Variants in FHOD3 observed in about 807,000 individuals in gnomAD.
FHOD3 encodes formin homology 2 domain containing 3.
In FHOD3, 90 loss-of-function variants were observed where a neutral mutation model predicts 173.0. The observed-to-expected ratio is 0.52, with a 90% CI of 0.44 to 0.62. The LOEUF (loss-of-function observed/expected upper bound fraction) is 0.62, where lower values mean the gene tolerates loss of function less well. Ranked by LOEUF, FHOD3 falls within the 20% of genes least tolerant of loss-of-function variation. The probability of loss-of-function intolerance (pLI) is 0.00; values close to 1 mark genes in which losing one functional copy is unlikely to be tolerated. For synonymous variants in FHOD3, 828 were observed against 823.0 expected (o/e 1.01, Z -0.10); for missense variants, 1,945 against 2,034.7 (o/e 0.96, Z 0.85).
At chr18:36,713,257 A>G (rs2040269635) in intron 18 of FHOD3, among the ~76,000 whole-genome samples, 1 of 152,224 alleles carries the variant, frequency 6.6e-6, no homozygotes, top group Non-Finnish European at 1.5e-5. Flanking sequence ...TGGTTGAAGC[A>G]AAAATTATAA....
At chr18:36,435,500 A>G (rs1259369934) in intron 3 of FHOD3, among the ~76,000 whole-genome samples, 1 of 152,176 alleles carries the variant, frequency 6.6e-6, no homozygotes, top group Non-Finnish European at 1.5e-5. Context: ...TGGTTTGCTA[A>G]GAATAAAAAG....
intron 6 of FHOD3, among the ~76,000 whole-genome samples, chr18:36,584,768 T>C (rs1002872425): frequency 4.6e-5 from 7 of 152,114 alleles, no homozygotes; most frequent in Non-Finnish European, 8.8e-5. Flanking sequence ...AGACCCCTTC[T>C]CAAAAAACTA....
chr18:36,504,391 A>G (rs904977896), intron 4 of FHOD3, among the ~76,000 whole-genome samples: 2 of 152,070 alleles, frequency 1.3e-5, no homozygotes, highest in African/African-American at 4.8e-5. Flanking sequence ...CTTCATATAC[A>G]CCATGGAATA....
intron 1 of FHOD3, among the ~76,000 whole-genome samples, chr18:36,346,878 C>T (rs1398802663): frequency 6.6e-6 from 1 of 152,246 alleles, no homozygotes; most frequent in Non-Finnish European, 1.5e-5. Context: ...CCTTAAACTG[C>T]TCCCACTCTG....
intron 3 of FHOD3, among the ~76,000 whole-genome samples, chr18:36,500,324 C>T (rs886450463): frequency 1.3e-5 from 2 of 152,200 alleles, no homozygotes; most frequent in African/African-American, 2.4e-5. Flanking sequence ...TGTTAAATCT[C>T]TCTCAGTGGG....
chr18:36,485,739 A>G (rs756707134), intron 3 of FHOD3, among the ~76,000 whole-genome samples: 16 of 152,192 alleles, frequency 1.1e-4, no homozygotes, highest in Non-Finnish European at 1.9e-4. Flanking sequence ...TCAGGAAAGC[A>G]TTGCTCAGCC....
chr18:36,483,108 G>A (rs1217853360), intron 3 of FHOD3, among the ~76,000 whole-genome samples: 1 of 152,164 alleles, frequency 6.6e-6, no homozygotes. Flanking sequence ...AGACTGCTTT[G>A]TGAGTGGGAG....
intron 5 of FHOD3, 33 bp from the exon 6 acceptor site, chr18:36,576,418 T>G: frequency 6.7e-7 from 1 of 1,493,196 alleles, no homozygotes; most frequent in Admixed American, 1.7e-5. Flanking sequence ...TATATACATC[T>G]ATAATGTCTC....
intron 15 of FHOD3, among the ~76,000 whole-genome samples, chr18:36,681,871 TCTTAA>T (rs1261237457): frequency 6.6e-6 from 1 of 152,194 alleles, no homozygotes. Context: ...AGTGTAATTA[TCTTAA>T]CTTAATTTGC....
At chr18:36,565,065 T>A (rs933853561) in intron 5 of FHOD3, among the ~76,000 whole-genome samples, 1 of 152,166 alleles carries the variant, frequency 6.6e-6, no homozygotes, top group Non-Finnish European at 1.5e-5. Flanking sequence ...ACAGTTGCCC[T>A]TGGGGAAAAC....
intron 3 of FHOD3, among the ~76,000 whole-genome samples, chr18:36,493,991 G>A (rs2054603662): frequency 6.6e-6 from 1 of 152,204 alleles, no homozygotes; most frequent in Middle Eastern, 3.2e-3. Context: ...GCGTGATACT[G>A]TAGATGTATC....
At chr18:36,720,266 C>G (rs1365859808) in intron 19 of FHOD3, among the ~76,000 whole-genome samples, 2 of 130,502 alleles carry the variant, frequency 1.5e-5, no homozygotes, top group Non-Finnish European at 3.1e-5. Context: ...GAGGCAGAGT[C>G]TTGCTCTGTC....
At chr18:36,765,024 G>T (rs2043080203) in intron 27 of FHOD3, among the ~76,000 whole-genome samples, 1 of 152,156 alleles carries the variant, frequency 6.6e-6, no homozygotes, top group Non-Finnish European at 1.5e-5. Context: ...AGCAGAATTT[G>T]TAGTAGCTGT....
chr18:36,378,730 G>A (rs1361432732), intron 3 of FHOD3, among the ~76,000 whole-genome samples: 2 of 152,080 alleles, frequency 1.3e-5, no homozygotes, highest in African/African-American at 4.8e-5. Flanking sequence ...TGCCCATGCT[G>A]GAGTGCAGTG....
chr18:36,771,756 C>T (rs1200341070), intron 28 of FHOD3, among the ~76,000 whole-genome samples: 2 of 152,130 alleles, frequency 1.3e-5, no homozygotes, highest in African/African-American at 4.8e-5. Context: ...TGGGAAGAGC[C>T]ATGGAGAGGT....
At chr18:36,309,875 A>G (rs1227217861) in intron 1 of FHOD3, among the ~76,000 whole-genome samples, 2 of 152,254 alleles carry the variant, frequency 1.3e-5, no homozygotes, top group Non-Finnish European at 2.9e-5. Flanking sequence ...GCACTGGGAC[A>G]TAGGTTAGCC....
intron 3 of FHOD3, among the ~76,000 whole-genome samples, chr18:36,441,052 G>T (rs1177277787): frequency 6.6e-6 from 1 of 152,176 alleles, no homozygotes. Flanking sequence ...GCATGGTTGT[G>T]TGTGTAAGGT....
intron 24 of FHOD3, among the ~76,000 whole-genome samples, chr18:36,752,056 C>A (rs2042424370): frequency 6.6e-6 from 1 of 152,174 alleles, no homozygotes; most frequent in South Asian, 2.1e-4. Flanking sequence ...CGTCCTTCTT[C>A]ACATAACGGC....
At chr18:36,402,799 C>A (rs938339763) in intron 3 of FHOD3, among the ~76,000 whole-genome samples, 1 of 152,170 alleles carries the variant, frequency 6.6e-6, no homozygotes, top group African/African-American at 2.4e-5. Context: ...AAATATGTTC[C>A]ACTTTTCAGA....
Sources: gnomAD v4.1 joint callset for allele counts (sites outside exome capture counted in the v4.1 genomes callset) on GRCh38, gnomAD v4.1.1 for gene constraint, MANE v1.5 for transcripts, NCBI Gene and HGNC (gene_info 2026-07-23, HGNC 2026-07-21) for gene names.